The following ZNF518A variants were observed in gnomAD, a reference collection of about 807,000 sequenced individuals.
The protein encoded by ZNF518A is zinc finger protein 518.
A neutral mutation model predicts 102.7 loss-of-function variants in ZNF518A; 47 were observed. The observed-to-expected ratio is 0.46, with a 90% CI of 0.36 to 0.58. ZNF518A has a LOEUF of 0.58. ZNF518A is among the 20% of genes least tolerant of loss of function. The pLI, the probability that ZNF518A is intolerant of heterozygous loss-of-function variation, is 0.00. For missense variants in ZNF518A, 1,793 were observed against 1,699.8 expected, an observed-to-expected ratio of 1.05 and a Z score of -0.96; for synonymous variants, 652 against 594.6, an observed-to-expected ratio of 1.10 and a Z score of -1.40.
intron 1 of ZNF518A, among the ~76,000 whole-genome samples, chr10:96,193,195 G>T (rs2083371693): frequency 6.6e-6 from 1 of 152,146 alleles, no homozygotes. Context: ...CAATCATTCA[G>T]CCATCTTGCA....
In ZNF518A at chr10:96,200,389, T is replaced by C. The variant is rs1005675000; in HGVS notation, n.36-3185T>C. ...TAGCTAGGTTCCTGAATTATTTCTT[T>C]CTTTCTCCTAAATAAGTAATAATCC... On this transcript the variant is annotated intron_variant and non_coding_transcript_variant, in intron 1 of 2. Transcript: ENST00000442635. The surrounding 1 kb of genome is among the most constrained non-coding windows in gnomAD (Gnocchi z 4.3). Among the ~76,000 whole-genome samples the C allele has an allele frequency of 3.3e-5, 5 of 152,254 alleles. No homozygotes were observed. Among genetic ancestry groups the C allele is most frequent in the African/African-American group, 1.2e-4 (5 of 41,466 alleles).
At chr10:96,166,352 GT>G (rs1248822954), downstream of ZNF518A, among the ~76,000 whole-genome samples, 27 of 152,164 alleles carry the variant, frequency 1.8e-4, no homozygotes, top group Admixed American at 2.0e-4. Flanking sequence ...AAAATTAACT[GT>G]CACAGGGCCT....
chr10:96,188,216 G>A (rs1361199193), intron 1 of ZNF518A, among the ~76,000 whole-genome samples: 5 of 152,210 alleles, frequency 3.3e-5, no homozygotes, highest in African/African-American at 1.2e-4. Flanking sequence ...GAAGCAGGTG[G>A]GATCACCCTC....
intron 3 of ZNF518A, among the ~76,000 whole-genome samples, chr10:96,148,492 CT>C (rs1219100093): frequency 6.6e-6 from 1 of 152,106 alleles, no homozygotes; most frequent in Non-Finnish European, 1.5e-5. Flanking sequence ...TAACAAATTA[CT>C]TTTTTTGATT....
In ZNF518A at chr10:96,155,944, A is replaced by G. The variant is rs2082676520; in HGVS notation, c.-230A>G. 6.5e-6 allele frequency: 1 copy of G among 154,528 alleles called. No individual in the cohort carries two copies. The highest frequency in any genetic ancestry group is 6.5e-5 in the Admixed American group (1 of 15,368). 9.6% of individuals were successfully genotyped at this position (154,528 alleles called of 1,614,324 possible). A position where few individuals can be genotyped will look rare whatever the true frequency, so the allele number is the denominator to read the frequency against. ...TTTAGATGAGGAAACTGAGGTCCAG[A>G]GAAGTTGAAGTTTTCCCAAGGTCAC... On this transcript the variant is annotated 5_prime_UTR_variant, in exon 5 of 6. Transcript: ENST00000316045.
At chr10:96,131,409 C>CT (rs1591080362) in intron 1 of ZNF518A, among the ~76,000 whole-genome samples, 1 of 152,182 alleles carries the variant, frequency 6.6e-6, no homozygotes, top group East Asian at 1.9e-4. Context: ...AATGCATTCA[C>CT]TATCTTTCAG....
chr10:96,173,194 T>G (rs1473680504), intron 1 of ZNF518A, among the ~76,000 whole-genome samples: 5 of 152,172 alleles, frequency 3.3e-5, no homozygotes, highest in Non-Finnish European at 7.4e-5. Context: ...CACAAGAGCT[T>G]CTAGAACCAG....
rs1554885249 is a variant in ZNF518A at position 96,158,917 on chromosome 10, G to GTCA, written c.2599_2601dup (p.Ser867dup). 1.9e-6 allele frequency: 3 copies of GTCA among 1,613,508 alleles called. No individual in the cohort carries two copies. Among genetic ancestry groups the GTCA allele is most frequent in the Non-Finnish European group, 2.5e-6 (3 of 1,179,716 alleles). ...TGAAATTTGGAAAAGAAAAACAAGT[G>GTCA]TCATCAATACCACAAGATGTGAGAG... On this transcript the variant is annotated inframe_insertion, in exon 6 of 6. Coordinates refer to ENST00000316045, the MANE Select transcript of ZNF518A (RefSeq NM_001330736.2).
intron 3 of ZNF518A, among the ~76,000 whole-genome samples, chr10:96,154,808 A>T (rs2082621625): frequency 6.6e-6 from 1 of 152,200 alleles, no homozygotes; most frequent in African/African-American, 2.4e-5. Context: ...ATTTTACTGT[A>T]TTAGTCATGG....
At chr10:96,193,452 A>G (rs977995382) in intron 1 of ZNF518A, among the ~76,000 whole-genome samples, 2 of 152,182 alleles carry the variant, frequency 1.3e-5, no homozygotes, top group African/African-American at 4.8e-5. Context: ...TAGTCCCTGA[A>G]TATTTGTGAG....
intron 1 of ZNF518A, among the ~76,000 whole-genome samples, chr10:96,174,019 T>G (rs1429141053): frequency 6.6e-6 from 1 of 152,084 alleles, no homozygotes; most frequent in African/African-American, 2.4e-5. Context: ...ATGAATCAAG[T>G]AACAAACTTT....
chr10:96,199,857 C>G lies in ZNF518A; in HGVS notation n.36-3717C>G, dbSNP rs1251900984. ...TGGCCAACATGGTAAAACCCCGTCT[C>G]TACTAAAAATACAAAAATTAGCCGG... On this transcript the variant is annotated intron_variant and non_coding_transcript_variant, in intron 1 of 2. Coordinates refer to the ZNF518A transcript ENST00000442635. 9 of 264,710 alleles carry G rather than the reference C, an allele frequency of 3.4e-5. No homozygotes were observed. In the East Asian group the frequency reaches 5.0e-4, roughly 15 times the overall value. The allele number at this position is 264,710 out of a possible 1,614,324, so 16.4% of individuals were successfully genotyped here. A position where few individuals can be genotyped will look rare whatever the true frequency, so the allele number is the denominator to read the frequency against.
intron 1 of ZNF518A, among the ~76,000 whole-genome samples, chr10:96,169,997 G>C (rs2083164306): frequency 6.6e-6 from 1 of 152,222 alleles, no homozygotes. Context: ...TAAGGGACTT[G>C]TGTGTTTTTG....
At chr10:96,204,911 G>A (rs2083755568), downstream of ZNF518A, 1 of 379,590 alleles carries the variant, frequency 2.6e-6, no homozygotes, top group South Asian at 2.2e-5. Context: ...AAGTGTGTGA[G>A]TATAGGTGGA....
Position 96,157,160 on chromosome 10 carries a change from CATGTT to C in ZNF518A, c.841_845del (p.Val281AsnfsTer19). 2 of 1,613,338 alleles carry C rather than the reference CATGTT, an allele frequency of 1.2e-6. No homozygotes were observed. The highest frequency in any genetic ancestry group is 1.7e-6 in the Non-Finnish European group (2 of 1,179,634). On this transcript the variant is annotated frameshift_variant, in exon 6 of 6. Coordinates refer to ENST00000316045, the MANE Select transcript of ZNF518A (RefSeq NM_001330736.2). LOFTEE classifies it high-confidence loss of function. Reference sequence around the variant, plus strand: ...CACCAGGAGAGAACACCTTGTAAGACATGTTATAACTTTGCACAAAGAACATTTAT... The same window carrying C: ...CACCAGGAGAGAACACCTTGTAAGACATAACTTTGCACAAAGAACATTTAT...
At chr10:96,194,669 A>G (rs1259556852) in intron 1 of ZNF518A, among the ~76,000 whole-genome samples, 1 of 152,160 alleles carries the variant, frequency 6.6e-6, no homozygotes, top group Non-Finnish European at 1.5e-5. Context: ...AAATAACCTG[A>G]TTATAAAATG....
chr10:96,151,636 C>G (rs1374732929), intron 3 of ZNF518A: 2 of 152,178 alleles, frequency 1.3e-5, no homozygotes, highest in Admixed American at 1.3e-4. Context: ...TGGGCAGATC[C>G]TCATTAAATA....
chr10:96,204,452 T>G, downstream of ZNF518A: 1 of 1,411,646 alleles, frequency 7.1e-7, no homozygotes, highest in South Asian at 1.2e-5. Flanking sequence ...CAAGTCAGTG[T>G]CACTGTGCAG....
Position 96,191,900 on chromosome 10 carries a change from T to C in ZNF518A, n.36-11674T>C, listed in dbSNP as rs1436519806. The C allele has an allele frequency of 1.9e-6, 3 of 1,587,712 alleles. No homozygotes were observed. The Admixed American group carries it at 5.0e-5, about 27-fold the overall frequency. On this transcript the variant is annotated intron_variant and non_coding_transcript_variant, in intron 1 of 2. Coordinates refer to the ZNF518A transcript ENST00000442635. ...ATTCATAATCCAAAATATGAAGTTTTGGGACTTTTTCTCAAAAGGAGAAAC... is the reference window on the plus strand; with the variant it reads ...ATTCATAATCCAAAATATGAAGTTTCGGGACTTTTTCTCAAAAGGAGAAAC...
Sources: gnomAD v4.1 joint callset for allele counts (sites outside exome capture counted in the v4.1 genomes callset) on GRCh38, gnomAD v4.1.1 for gene constraint, Gnocchi (gnomAD v3.1) non-coding constraint, MANE v1.5 for transcripts, NCBI Gene and HGNC (gene_info 2026-07-23, HGNC 2026-07-21) for gene names.